The following CFAP70 variants were observed in gnomAD, a reference collection of about 807,000 sequenced individuals.
CFAP70 encodes the protein cilia- and flagella-associated protein 70.
CFAP70 carries 81 observed loss-of-function variants against 137.6 expected under a neutral mutation model. The observed-to-expected ratio is 0.59, with a 90% CI of 0.49 to 0.71. The LOEUF (loss-of-function observed/expected upper bound fraction) is 0.71. Among genes scored for constraint, CFAP70 ranks in the 30% least tolerant of loss-of-function variants. CFAP70 has a pLI of 0.00. For missense variants in CFAP70, 976 were observed against 1,226.7 expected, an observed-to-expected ratio of 0.80 and a Z score of 3.05; for synonymous variants, 382 against 423.6, an observed-to-expected ratio of 0.90 and a Z score of 1.20.
chr10:73,293,388 T>C, exon 16 of CFAP70: 2 of 1,590,810 alleles, frequency 1.3e-6, no homozygotes, highest in Non-Finnish European at 1.7e-6. Flanking sequence ...TCTGGCATGG[T>C]CTTGTCAATG....
intron 9 of CFAP70, among the ~76,000 whole-genome samples, chr10:73,321,681 T>G (rs1423988953): frequency 6.6e-6 from 1 of 151,754 alleles, no homozygotes; most frequent in Middle Eastern, 3.2e-3. Context: ...TTTTTACACC[T>G]AAAAATGGAA....
chr10:73,259,766 C>G (rs1330855664), intron 25 of CFAP70, among the ~76,000 whole-genome samples: 1 of 152,170 alleles, frequency 6.6e-6, no homozygotes, highest in Non-Finnish European at 1.5e-5. Flanking sequence ...TGCAGCAGTT[C>G]ATGCCTGTAA....
chr10:73,255,658 C>G (rs1048844286), intron 26 of CFAP70, among the ~76,000 whole-genome samples: 3 of 151,808 alleles, frequency 2.0e-5, no homozygotes, highest in African/African-American at 7.3e-5. Context: ...TGAGACGGAG[C>G]CTCAGCCTCC....
chr10:73,256,086 G>T (rs2044463611), intron 26 of CFAP70, among the ~76,000 whole-genome samples: 1 of 152,122 alleles, frequency 6.6e-6, no homozygotes, highest in Admixed American at 6.5e-5. Flanking sequence ...AACACAGTAA[G>T]TTAATGGCAA....
In CFAP70 at chr10:73,351,065, GTGTGTGTATA is replaced by G. The variant is rs1175935121; in HGVS notation, c.250+2481_250+2490del. Among the ~76,000 whole-genome samples, 5 of 55,658 alleles carry G rather than the reference GTGTGTGTATA, an allele frequency of 9.0e-5. 1 individual carries two copies. In the East Asian group the frequency reaches 3.0e-3, roughly 33 times the overall value. The allele number at this position is 55,658 out of a possible 152,430, so 36.5% of individuals were successfully genotyped here. On this transcript the variant is annotated intron_variant, in intron 3 of 26. Transcript: ENST00000310715. Reference sequence around the variant, plus strand: ...TATATATGTGTGTGTGTGTGTGTGTGTGTGTGTATATATATATATATATATATATATATAT... The same window carrying G: ...TATATATGTGTGTGTGTGTGTGTGTGTATATATATATATATATATATATAT...
intron 3 of CFAP70, among the ~76,000 whole-genome samples, chr10:73,350,417 T>C (rs961212558): frequency 5.3e-5 from 8 of 152,194 alleles, no homozygotes; most frequent in Non-Finnish European, 1.2e-4. Flanking sequence ...ATTTTTTCCA[T>C]ATACTTAAGG....
intron 25 of CFAP70, among the ~76,000 whole-genome samples, chr10:73,266,369 A>C (rs1371998279): frequency 6.6e-6 from 1 of 152,146 alleles, no homozygotes; most frequent in East Asian, 1.9e-4. Flanking sequence ...CTACCATTTC[A>C]GTAGTGAACT....
At chr10:73,278,378 A>G (rs1431894662) in intron 19 of CFAP70, 41 bp from the exon 21 acceptor site, 1 of 1,548,506 alleles carries the variant, frequency 6.5e-7, no homozygotes, top group Non-Finnish European at 8.8e-7. Flanking sequence ...AACTTCTTAC[A>G]TTGGGTGTTT....
exon 20 of CFAP70, chr10:73,278,331 C>T: frequency 6.2e-7 from 1 of 1,613,156 alleles, no homozygotes. Flanking sequence ...TAATGCAGCT[C>T]CTGGTCCTAA....
intron 2 of CFAP70, among the ~76,000 whole-genome samples, 185 bp downstream of exon 2, chr10:73,354,549 C>A (rs1278790988): frequency 6.6e-6 from 1 of 152,060 alleles, no homozygotes; most frequent in East Asian, 1.9e-4. Context: ...ATTCAAATTG[C>A]CGGGTATTTG....
intron 14 of CFAP70, among the ~76,000 whole-genome samples, chr10:73,297,926 C>T (rs1489897221): frequency 6.6e-6 from 1 of 152,170 alleles, no homozygotes; most frequent in Non-Finnish European, 1.5e-5. Context: ...AAATGTGGAA[C>T]CAAGAGTCAA....
chr10:73,258,988 C>T (rs952123289), intron 25 of CFAP70, among the ~76,000 whole-genome samples: 2 of 152,190 alleles, frequency 1.3e-5, no homozygotes, highest in Non-Finnish European at 2.9e-5. Context: ...CCTGTGATCT[C>T]GCTCTGCCCC....
chr10:73,295,307 G>C (rs183515903), intron 15 of CFAP70: 14 of 145,696 alleles, frequency 9.6e-5, no homozygotes, highest in African/African-American at 3.5e-4. Context: ...GAAAGAAAGA[G>C]AGAAAGGGAG....
At chr10:73,361,240 T>A (rs1320549061), upstream of CFAP70, among the ~76,000 whole-genome samples, 1 of 151,746 alleles carries the variant, frequency 6.6e-6, no homozygotes, top group Non-Finnish European at 1.5e-5. Flanking sequence ...GTGATCCACC[T>A]GTCTCAGCCG....
chr10:73,260,057 T>A (rs765561316), intron 25 of CFAP70, among the ~76,000 whole-genome samples: 41 of 148,372 alleles, frequency 2.8e-4, no homozygotes, highest in Admixed American at 1.6e-3. Flanking sequence ...AGGACTTAGA[T>A]CTTAGATTGT....
chr10:73,271,807 C>T (rs2046341591), intron 24 of CFAP70, among the ~76,000 whole-genome samples: 1 of 152,108 alleles, frequency 6.6e-6, no homozygotes, highest in Non-Finnish European at 1.5e-5. Flanking sequence ...CCAAGCAATC[C>T]TCCCACCTTA....
chr10:73,254,456 T>C (rs528621030), intron 26 of CFAP70: 2 of 153,226 alleles, frequency 1.3e-5, no homozygotes, highest in African/African-American at 4.8e-5. Context: ...TTAGATCTGG[T>C]TTTAGTTTTA....
exon 18 of CFAP70, chr10:73,291,667 T>A: frequency 6.2e-7 from 1 of 1,613,790 alleles, no homozygotes; most frequent in South Asian, 1.1e-5. Flanking sequence ...ACAACATTAG[T>A]TGGTTCCAAG....
intron 7 of CFAP70, among the ~76,000 whole-genome samples, chr10:73,333,218 C>T (rs1383697179): frequency 1.3e-5 from 2 of 151,810 alleles, no homozygotes; most frequent in African/African-American, 2.4e-5. Context: ...ATTCCCCAAA[C>T]TGAAATGCAA....
Sources: allele counts gnomAD v4.1 joint callset (sites outside exome capture counted in the v4.1 genomes callset), GRCh38; gene constraint gnomAD v4.1.1; transcripts MANE v1.5; gene names NCBI Gene and HGNC (gene_info 2026-07-23, HGNC 2026-07-21).